The following ANKDD1A variants were observed in gnomAD, a reference collection of about 807,000 sequenced individuals.
The protein encoded by ANKDD1A is ankyrin repeat and death domain-containing protein 1A.
A neutral mutation model predicts 63.5 loss-of-function variants in ANKDD1A; 59 were observed. That is an observed-to-expected ratio of 0.93 (90% CI 0.75 to 1.15). ANKDD1A has a LOEUF of 1.15. Among genes scored for constraint, ANKDD1A ranks in the 50% most tolerant of loss-of-function variants. The pLI is 0.00. For synonymous variants in ANKDD1A, 266 were observed against 263.9 expected (o/e 1.01, Z -0.08); for missense variants, 632 against 656.4 (o/e 0.96, Z 0.41).
At chr15:64,952,571 CT>C (rs1459222067) in intron 14 of ANKDD1A, among the ~76,000 whole-genome samples, 18 of 81,014 alleles carry the variant, frequency 2.2e-4, no homozygotes, top group Admixed American at 4.4e-4. Flanking sequence ...CTTCGTTCTT[CT>C]TCTCCTTCTT....
chr15:64,930,918 G>GC lies in ANKDD1A; in HGVS notation c.668dup (p.Glu224GlyfsTer16). Reference sequence around the variant, plus strand: ...CGGGCTGGACCTGGAGGAGCAGAATGCGGTGAGTCACCGCCTGGGGATGGC... The same window carrying GC: ...CGGGCTGGACCTGGAGGAGCAGAATGCCGGTGAGTCACCGCCTGGGGATGGC... On this transcript the variant is annotated frameshift_variant and splice_region_variant, in exon 7 of 15. Coordinates refer to ENST00000319580, the MANE Select transcript of ANKDD1A (RefSeq NM_182703.6). LOFTEE classifies it high-confidence loss of function. The GC allele has an allele frequency of 6.2e-7, 1 of 1,610,806 alleles. No individual in the cohort carries two copies. Among genetic ancestry groups the GC allele is most frequent in the South Asian group, 1.1e-5 (1 of 90,788 alleles).
chr15:64,921,903 C>T lies in ANKDD1A; in HGVS notation c.268-18C>T, dbSNP rs1476881787. ...CCTTCCCACATTCTTCTCACCTCCT[C>T]TATGTCCTCTCCCCTAGTTTGGGAT... On this transcript the variant is annotated intron_variant, in intron 3 of 14. Transcript: ENST00000319580. The T allele has an allele frequency of 1.2e-6, 2 of 1,612,322 alleles. No homozygotes were observed. The highest frequency in any genetic ancestry group is 2.2e-5 in the East Asian group (1 of 44,870).
intron 14 of ANKDD1A, chr15:64,950,935 A>C: frequency 7.9e-7 from 1 of 1,271,400 alleles, no homozygotes; most frequent in Middle Eastern, 2.2e-4. Flanking sequence ...AGAGGAAGTA[A>C]GATTCTTGTT....
intron 14 of ANKDD1A, chr15:64,951,360 CTTCCTCT>C (rs1182776591): frequency 2.0e-6 from 1 of 508,862 alleles, no homozygotes; most frequent in African/African-American, 2.5e-5. Flanking sequence ...CTTCTTTCTT[CTTCCTCT>C]TTCTTCTTTC....
Position 64,911,925 on chromosome 15 carries a change from G to T in ANKDD1A, c.-6G>T, listed in dbSNP as rs1168724895. 15 of 1,249,666 alleles carry T rather than the reference G, an allele frequency of 1.2e-5. No individual in the cohort carries two copies. The highest frequency in any genetic ancestry group is 1.5e-5 in the Non-Finnish European group (15 of 992,534). The allele number at this position is 1,249,666 out of a possible 1,614,324, so 77.4% of individuals were successfully genotyped here. A position where few individuals can be genotyped will look rare whatever the true frequency, so the allele number is the denominator to read the frequency against. On this transcript the variant is annotated 5_prime_UTR_variant, in exon 1 of 15. Coordinates refer to ENST00000319580, the MANE Select transcript of ANKDD1A (RefSeq NM_182703.6). ...CCAGCGCGCGCAGGGGCTGCGGAGC[G>T]GCAGGATGCAGGAGGAGCTGGCGTG...
chr15:64,934,257 AG>A (rs1231648941), intron 9 of ANKDD1A, 23 bp downstream of exon 9: 1 of 1,600,312 alleles, frequency 6.2e-7, no homozygotes, highest in South Asian at 1.1e-5. Flanking sequence ...CGAGTGTTGA[AG>A]GGGGTCTCCA....
rs1349364053 is a variant in ANKDD1A at position 64,934,252 on chromosome 15, G to A, written c.867+18G>A. The A allele has an allele frequency of 6.2e-7, 1 of 1,601,424 alleles. No homozygotes were observed. Among genetic ancestry groups the A allele is most frequent in the Non-Finnish European group, 8.5e-7 (1 of 1,171,846 alleles). On this transcript the variant is annotated intron_variant, in intron 9 of 14. Transcript: ENST00000319580. ...TTGATCATGTAAGTATGGTGCGAGTGTTGAAGGGGGTCTCCATTGCAAAGC... is the reference window on the plus strand; with the variant it reads ...TTGATCATGTAAGTATGGTGCGAGTATTGAAGGGGGTCTCCATTGCAAAGC...
chr15:64,954,115 C>T, intron 14 of ANKDD1A, among the ~76,000 whole-genome samples: 1 of 132,898 alleles, frequency 7.5e-6, no homozygotes, highest in Non-Finnish European at 1.6e-5. Flanking sequence ...TTCTTCCTTT[C>T]TTTTCTCCTT....
intron 3 of ANKDD1A, 66 bp from the exon 4 acceptor site, chr15:64,921,855 A>G (rs2140366972): frequency 7.1e-7 from 1 of 1,412,016 alleles, no homozygotes; most frequent in Non-Finnish European, 1.0e-6. Flanking sequence ...CATAAGGCAC[A>G]GGGCCTGGCT....
At position 64,945,607 on chromosome 15, in the gene ANKDD1A, CATAT is replaced by C. The variant is rs61390435; in HGVS notation, c.1161+881_1161+884del. 3.5e-4 allele frequency among the ~76,000 whole-genome samples: 26 copies of C among 73,866 alleles called. 3 individuals are homozygous for C. Among genetic ancestry groups the C allele is most frequent in the African/African-American group, 6.8e-4 (11 of 16,206 alleles). 48.5% of individuals were successfully genotyped at this position (73,866 alleles called of 152,430 possible). ...TTAGAGGGATTAAATGCATTTTCAA[CATAT>C]ATATATATATATATATATATGAACT... On this transcript the variant is annotated intron_variant, in intron 12 of 14. Coordinates refer to ENST00000319580, the MANE Select transcript of ANKDD1A (RefSeq NM_182703.6).
chr15:64,954,763 C>T (rs1276441786), intron 14 of ANKDD1A, among the ~76,000 whole-genome samples: 2 of 127,104 alleles, frequency 1.6e-5, no homozygotes, highest in Admixed American at 8.5e-5. Flanking sequence ...TCTTTTTGTT[C>T]TTCTTTCTTC....
chr15:64,934,170 G>A lies in ANKDD1A; in HGVS notation c.803G>A (p.Ser268Asn). 6.2e-7 allele frequency: 1 copy of A among 1,612,290 alleles called. No individual in the cohort carries two copies. The highest frequency in any genetic ancestry group is 8.5e-7 in the Non-Finnish European group (1 of 1,179,128). The change falls in exon 9 of 15, where the codon AGT becomes AAT. Residue 268 changes from serine to asparagine, a missense_variant. Ser to Asn is a conservative substitution (Grantham distance 46). Coordinates refer to ENST00000319580, the MANE Select transcript of ANKDD1A (RefSeq NM_182703.6). ...AGCTGCCTTCACTATGCAGCCCTCA[G>A]TGGCTCGGAGGATGTGTCTCGGGTC... ...NLSCLHYAALSGSEDVSRVLI... is the reference protein window; with the variant it reads ...NLSCLHYAALNGSEDVSRVLI...
In ANKDD1A at chr15:64,958,176, G is replaced by C. The variant is rs546543105; in HGVS notation, c.*988G>C. The stretch of plus-strand genomic sequence containing the variant: ...GCAAGGGCAGTGAGAGGAAGGGAGG[G>C]ATGAGGAGGTGGAGCGCAGGGGATG... On this transcript the variant is annotated 3_prime_UTR_variant, in exon 15 of 15. Coordinates refer to ENST00000319580, the MANE Select transcript of ANKDD1A (RefSeq NM_182703.6). The C allele has an allele frequency of 2.0e-5, 3 of 152,446 alleles. No homozygotes were observed. Among genetic ancestry groups the C allele is most frequent in the African/African-American group, 7.2e-5 (3 of 41,582 alleles). The allele number at this position is 152,446 out of a possible 1,614,324, so 9.4% of individuals were successfully genotyped here. A position where few individuals can be genotyped will look rare whatever the true frequency, so the allele number is the denominator to read the frequency against.
At chr15:64,929,506 C>G (rs1407688815) in intron 6 of ANKDD1A, among the ~76,000 whole-genome samples, 1 of 152,140 alleles carries the variant, frequency 6.6e-6, no homozygotes, top group Non-Finnish European at 1.5e-5. Flanking sequence ...CGCAGGCTGA[C>G]CTCAGCAGGG....
intron 14 of ANKDD1A, among the ~76,000 whole-genome samples, chr15:64,954,010 CCTT>C (rs1331813147): frequency 4.3e-5 from 4 of 93,040 alleles, no homozygotes; most frequent in Non-Finnish European, 8.3e-5. Flanking sequence ...CTTTCTTCTT[CCTT>C]CTTTCCTCTT....
intron 2 of ANKDD1A, 38 bp downstream of exon 2, chr15:64,915,938 T>C: frequency 6.3e-7 from 1 of 1,591,066 alleles, no homozygotes; most frequent in East Asian, 2.2e-5. Context: ...GCACCTGGGA[T>C]AGTGTCACGA....
chr15:64,926,297 TG>T, intron 5 of ANKDD1A, 127 bp downstream of exon 5: 5 of 919,246 alleles, frequency 5.4e-6, no homozygotes, highest in Non-Finnish European at 8.3e-6. Context: ...GCACCTGGCC[TG>T]GGGAGCCGCT....
Position 64,917,513 on chromosome 15 carries a change from G to C in ANKDD1A, c.266G>C (p.Cys89Ser). 6.5e-7 allele frequency: 1 copy of C among 1,546,550 alleles called. No homozygotes were observed. Among genetic ancestry groups the C allele is most frequent in the Non-Finnish European group, 8.7e-7 (1 of 1,146,854 alleles). The stretch of plus-strand genomic sequence containing the variant: ...GGGGCCCTCACAGAGGCACGTCTGT[G>C]TGTACGTGTCTGTCTGTCTGTCTGT... ...AVGALTEARL[C>S]FGMNALLLSA... Residue 89 changes from cysteine to serine, a missense_variant and splice_region_variant, in exon 3 of 15, where the codon TGT (cysteine) becomes TCT (serine). Physicochemically the swap from Cys to Ser is moderately radical, Grantham distance 112 (BLOSUM62 -1). Coordinates refer to ENST00000319580, the MANE Select transcript of ANKDD1A (RefSeq NM_182703.6).
At position 64,957,118 on chromosome 15, in the gene ANKDD1A, C is replaced by A. The variant is rs1292753210; in HGVS notation, c.1499C>A (p.Ala500Glu). The A allele has an allele frequency of 4.5e-6, 2 of 443,986 alleles. No homozygotes were observed. Among genetic ancestry groups the A allele is most frequent in the Non-Finnish European group, 9.0e-6 (2 of 222,984 alleles). 27.5% of individuals were successfully genotyped at this position (443,986 alleles called of 1,614,324 possible). The change falls in exon 15 of 15, where the codon GCG (alanine) becomes GAG (glutamate). Residue 500 changes from alanine to glutamate, a missense_variant. Transcript: ENST00000319580. The part of the protein sequence containing the change: ...RRDLAGWSTM[A>E]RSQLTATSAS... ...TCTCACCCAGGCTGGAGTACAATGG[C>A]GAGATCTCAGCTCACGGCAACCTCC...
Sources: allele counts gnomAD v4.1 joint callset (sites outside exome capture counted in the v4.1 genomes callset), GRCh38; gene constraint gnomAD v4.1.1; transcripts MANE v1.5; gene names NCBI Gene and HGNC (gene_info 2026-07-23, HGNC 2026-07-21).